The following FGD3 variants were observed in gnomAD, a reference collection of about 807,000 sequenced individuals.
FGD3 encodes the protein FYVE, RhoGEF and PH domain containing 3.
FGD3 carries 45 observed loss-of-function variants against 71.8 expected under a neutral mutation model. The ratio of observed to expected loss-of-function variants is 0.63; its 90% CI spans 0.49 to 0.80. The LOEUF (loss-of-function observed/expected upper bound fraction) is 0.80, where lower values mean the gene tolerates loss of function less well. FGD3 is among the 30% of genes least tolerant of loss of function. The pLI is 0.00. For synonymous variants in FGD3, 378 were observed against 392.8 expected (o/e 0.96, Z 0.44); for missense variants, 844 against 951.5 (o/e 0.89, Z 1.49).
In FGD3 at chr9:93,035,324, C is replaced by A; in HGVS notation, c.1927-14C>A. On this transcript the variant is annotated splice_polypyrimidine_tract_variant and intron_variant, in intron 17 of 17. Coordinates refer to ENST00000375482, the MANE Select transcript of FGD3 (RefSeq NM_001083536.2). ...AAGCTGTGGCCCCGCTGACCATCTG[C>A]TCCTCTGCTGCAGGACGGCCGGCTG... The A allele has an allele frequency of 1.2e-6, 2 of 1,604,908 alleles. No individual in the cohort carries two copies. Among genetic ancestry groups the A allele is most frequent in the South Asian group, 1.1e-5 (1 of 90,236 alleles).
At chr9:92,987,431 CA>C (rs56738468) in intron 3 of FGD3, among the ~76,000 whole-genome samples, 77,035 of 122,222 alleles carry the variant, frequency 0.63, 21,612 homozygotes, top group African/African-American at 0.68. Context: ...GACTCTGTCT[CA>C]AAAAAAAAAA....
intron 3 of FGD3, among the ~76,000 whole-genome samples, chr9:92,993,196 T>C (rs1278054401): frequency 6.6e-6 from 1 of 152,194 alleles, no homozygotes. Context: ...CTCAAACTCC[T>C]GGGCTTAAGT....
chr9:93,021,888 C>T (rs929864443), intron 13 of FGD3, among the ~76,000 whole-genome samples: 3 of 152,182 alleles, frequency 2.0e-5, no homozygotes, highest in African/African-American at 7.2e-5. Flanking sequence ...CTGAGCCTGG[C>T]TGTCCTTAAG....
In FGD3 at chr9:92,976,469, C is replaced by T. The variant is rs768575498; in HGVS notation, c.213C>T (p.Ile71=). 4.3e-6 allele frequency: 7 copies of T among 1,611,996 alleles called. No homozygotes were observed. In the South Asian group the frequency reaches 6.6e-5, roughly 15 times the overall value. The change falls in exon 3 of 18, where the codon ATC becomes ATT. Residue 71 remains isoleucine, a synonymous_variant. Coordinates refer to ENST00000375482, the MANE Select transcript of FGD3 (RefSeq NM_001083536.2). ...PTGELSGSLK[I]PNRDSGIDSP... The stretch of plus-strand genomic sequence containing the variant: ...GAGAGCTGAGTGGTAGCTTAAAGAT[C>T]CCCAACCGGGACAGCGGGATCGACA...
At chr9:92,992,205 T>G (rs1009635388) in intron 3 of FGD3, among the ~76,000 whole-genome samples, 5 of 152,244 alleles carry the variant, frequency 3.3e-5, no homozygotes, top group Non-Finnish European at 2.9e-5. Context: ...TGTGTTCTGG[T>G]TGTTTTGTAT....
At position 92,976,448 on chromosome 9, in the gene FGD3, G is replaced by A; in HGVS notation, c.192G>A (p.Glu64=). ...CTCCAGACATAGGCCCCACGGGAGA[G>A]CTGAGTGGTAGCTTAAAGATCCCCA... ...DGSPDIGPTG[E]LSGSLKIPNR... is the part of the protein sequence containing the mutation. Residue 64 remains glutamate, a synonymous_variant, in exon 3 of 18, where the codon GAG becomes GAA. Transcript: ENST00000375482. 6.2e-7 allele frequency: 1 copy of A among 1,611,898 alleles called. No individual in the cohort carries two copies.
At chr9:93,033,015 G>GC in intron 16 of FGD3, 142 bp downstream of exon 16, 1 of 838,146 alleles carries the variant, frequency 1.2e-6, no homozygotes, top group Non-Finnish European at 2.0e-6. Flanking sequence ...TCTCAGTGGG[G>GC]CCCCCAGGCT....
In FGD3 at chr9:93,010,227, G is replaced by C. The variant is rs760212532; in HGVS notation, c.838-19G>C. 1 of 1,593,852 alleles carries C rather than the reference G, an allele frequency of 6.3e-7. No homozygotes were observed. The highest frequency in any genetic ancestry group is 1.3e-5 in the African/African-American group (1 of 74,668). ...CACACGTGTCCTTGGAGTGCCCAATGCTCCCTCTGTCCCCACAGAAGCAGG... is the reference window on the plus strand; with the variant it reads ...CACACGTGTCCTTGGAGTGCCCAATCCTCCCTCTGTCCCCACAGAAGCAGG... On this transcript the variant is annotated intron_variant, in intron 6 of 17. Coordinates refer to ENST00000375482, the MANE Select transcript of FGD3 (RefSeq NM_001083536.2).
intron 1 of FGD3, among the ~76,000 whole-genome samples, chr9:92,949,601 C>T (rs886666638): frequency 6.6e-6 from 1 of 152,202 alleles, no homozygotes; most frequent in Admixed American, 6.5e-5. Flanking sequence ...GAGGGTCCCA[C>T]CCTCAGGGAC....
intron 1 of FGD3, among the ~76,000 whole-genome samples, chr9:92,970,028 G>C (rs1859476675): frequency 6.6e-6 from 1 of 152,184 alleles, no homozygotes; most frequent in South Asian, 2.1e-4. Flanking sequence ...GCTCACCTCA[G>C]GCGGCTCAGG....
chr9:93,035,951 C>T lies in FGD3; in HGVS notation c.*362C>T, dbSNP rs1479833606. The T allele has an allele frequency of 1.7e-5, 4 of 237,646 alleles. No individual in the cohort carries two copies. Among genetic ancestry groups the T allele is most frequent in the South Asian group, 1.8e-4 (2 of 11,220 alleles). The allele number at this position is 237,646 out of a possible 1,614,324, so 14.7% of individuals were successfully genotyped here. Reference sequence around the variant, plus strand: ...ACAGCCACATCCTGCTGGTCTGCAGCGTGGTCCACCCCGCCTCTGCCCAGC... The same window carrying T: ...ACAGCCACATCCTGCTGGTCTGCAGTGTGGTCCACCCCGCCTCTGCCCAGC... On this transcript the variant is annotated 3_prime_UTR_variant, in exon 18 of 18. Coordinates refer to ENST00000375482, the MANE Select transcript of FGD3 (RefSeq NM_001083536.2).
intron 1 of FGD3, among the ~76,000 whole-genome samples, chr9:92,957,822 C>T (rs1256201223): frequency 1.3e-5 from 2 of 150,926 alleles, no homozygotes; most frequent in Non-Finnish European, 2.9e-5. Flanking sequence ...GTTGGGAGTA[C>T]AGGCGTGCAC....
At chr9:93,034,109 C>G (rs1862487013) in intron 16 of FGD3, 1 of 155,168 alleles carries the variant, frequency 6.4e-6, no homozygotes. Context: ...GACAGTAGCT[C>G]CAACAGTGAC....
At chr9:93,014,065 T>A (rs1015943070) in intron 9 of FGD3, 67 bp downstream of exon 9, 52 of 1,515,912 alleles carry the variant, frequency 3.4e-5, no homozygotes, top group Non-Finnish European at 1.2e-5. Flanking sequence ...CCCAGGGCAG[T>A]GCCAGGAGGG....
chr9:93,008,795 C>G (rs1861173910), intron 6 of FGD3, among the ~76,000 whole-genome samples: 1 of 152,064 alleles, frequency 6.6e-6, no homozygotes, highest in African/African-American at 2.4e-5. Context: ...GAAACCCTAT[C>G]TCTACTAAAA....
intron 10 of FGD3, among the ~76,000 whole-genome samples, chr9:93,016,634 C>G (rs1211158611): frequency 6.7e-6 from 1 of 149,500 alleles, no homozygotes; most frequent in African/African-American, 2.5e-5. Flanking sequence ...CCGCACCCAG[C>G]CTAGTCAGTC....
intron 3 of FGD3, among the ~76,000 whole-genome samples, chr9:93,001,454 G>A (rs1255573129): frequency 6.6e-6 from 1 of 152,132 alleles, no homozygotes; most frequent in Non-Finnish European, 1.5e-5. Context: ...CCTGTCTACT[G>A]TGGTACTGGA....
rs1225445545 is a variant in FGD3 at position 93,003,467 on chromosome 9, A to AG, written c.543+455dup. 1.4e-5 allele frequency among the ~76,000 whole-genome samples: 2 copies of AG among 139,742 alleles called. No individual in the cohort carries two copies. Among genetic ancestry groups the AG allele is most frequent in the African/African-American group, 4.9e-5 (2 of 40,636 alleles). 91.7% of individuals were successfully genotyped at this position (139,742 alleles called of 152,430 possible). ...TTTGTTTTCAGTGCTTGTAGCTCTG[A>AG]GGAGAAGGCTTTGCCAAGTCACCTG... On this transcript the variant is annotated intron_variant, in intron 4 of 17. Transcript: ENST00000375482. The surrounding 1 kb of genome is among the most constrained non-coding windows in gnomAD (Gnocchi z 4.1).
Position 93,004,059 on chromosome 9 carries a change from T to G in FGD3, c.602T>G (p.Phe201Cys). ...GIPPEVIMGI[F>C]SNISSIHRFH... ...CCTCCAGAAGTCATCATGGGCATAT[T>G]CTCTAACATCTCCTCCATCCACCGC... The change falls in exon 5 of 18, where the codon TTC (phenylalanine) becomes TGC (cysteine). Residue 201 changes from phenylalanine to cysteine, a missense_variant. Physicochemically the swap from Phe to Cys is radical, Grantham distance 205 (BLOSUM62 -2). Coordinates refer to ENST00000375482, the MANE Select transcript of FGD3 (RefSeq NM_001083536.2). 2 of 1,614,152 alleles carry G rather than the reference T, an allele frequency of 1.2e-6. No individual in the cohort carries two copies. The highest frequency in any genetic ancestry group is 1.7e-6 in the Non-Finnish European group (2 of 1,180,034).
Sources: gnomAD v4.1 joint callset for allele counts (sites outside exome capture counted in the v4.1 genomes callset) on GRCh38, gnomAD v4.1.1 for gene constraint, Gnocchi (gnomAD v3.1) non-coding constraint, MANE v1.5 for transcripts, NCBI Gene and HGNC (gene_info 2026-07-23, HGNC 2026-07-21) for gene names.